RBFOX1: variants seen among roughly 807,000 people sequenced by gnomAD.
The protein encoded by RBFOX1 is RNA binding fox-1 homolog 1.
Under a neutral mutation model 57.7 loss-of-function variants are expected in RBFOX1, and 8 were observed. That is an observed-to-expected ratio of 0.14 (90% CI 0.08 to 0.25). RBFOX1 has a LOEUF of 0.25. Ranked by LOEUF, RBFOX1 falls within the 10% of genes least tolerant of loss-of-function variation. The pLI is 1.00. For synonymous variants in RBFOX1, 326 were observed against 222.4 expected (o/e 1.47, Z -4.15); for missense variants, 611 against 548.5 (o/e 1.11, Z -1.14).
At chr16:5,928,269 C>T (rs761553572) in intron 4 of RBFOX1, among the ~76,000 whole-genome samples, 6 of 151,592 alleles carry the variant, frequency 4.0e-5, no homozygotes, top group Non-Finnish European at 7.4e-5. Flanking sequence ...TTTGTAGAGA[C>T]GGGGGTCTCA....
Position 6,846,110 on chromosome 16 carries a change from CT to C in RBFOX1, c.-16+191463del, listed in dbSNP as rs549048853. ...TGTACCACTAAAATATAGGTATAGT[CT>C]TTGTTTTTCATTCGTATATCAGACT... On this transcript the variant is annotated intron_variant, in intron 3 of 15. Transcript: ENST00000550418. 4.0e-4 allele frequency among the ~76,000 whole-genome samples: 61 copies of C among 152,274 alleles called. 1 individual carries two copies. The South Asian group carries it at 0.011, about 27-fold the overall frequency.
At chr16:5,695,587 T>C (rs954965009) in intron 3 of RBFOX1, among the ~76,000 whole-genome samples, 1 of 152,112 alleles carries the variant, frequency 6.6e-6, no homozygotes, top group Non-Finnish European at 1.5e-5. Flanking sequence ...ACTTGGAAAA[T>C]CAGATGTTAT....
chr16:7,675,081 C>A (rs2072865261), intron 13 of RBFOX1, among the ~76,000 whole-genome samples: 1 of 152,210 alleles, frequency 6.6e-6, no homozygotes, highest in Admixed American at 6.5e-5. Context: ...TTCTGGAAAT[C>A]AGCTAGCCAG....
Position 5,637,000 on chromosome 16 carries a change from G to A in RBFOX1, c.318+38039G>A, listed in dbSNP as rs192965602. On this transcript the variant is annotated intron_variant, in intron 3 of 19. Transcript: ENST00000641259. ...GCATTTGTTCTTCTTGTGGGAGTTC[G>A]GGCCCCTCAGGCTTCAAGGGGTGAA... 4.9e-3 allele frequency among the ~76,000 whole-genome samples: 744 copies of A among 152,264 alleles called. 2 individuals carry two copies. Among genetic ancestry groups the A allele is most frequent in the African/African-American group, 0.012 (503 of 41,560 alleles).
At chr16:5,262,139 T>G (rs1392476594) in intron 1 of RBFOX1, among the ~76,000 whole-genome samples, 2 of 152,158 alleles carry the variant, frequency 1.3e-5, no homozygotes, top group African/African-American at 4.8e-5. Context: ...GAAGGCTTAG[T>G]TAAGAGGTAA....
At chr16:7,421,510 C>A (rs1416874776) in intron 4 of RBFOX1, among the ~76,000 whole-genome samples, 1 of 152,170 alleles carries the variant, frequency 6.6e-6, no homozygotes, top group East Asian at 1.9e-4. Flanking sequence ...CCAGGCACAG[C>A]CAGGTTTTCT....
intron 2 of RBFOX1, among the ~76,000 whole-genome samples, chr16:6,384,220 G>C (rs970022767): frequency 3.9e-5 from 6 of 152,102 alleles, no homozygotes; most frequent in Non-Finnish European, 7.4e-5. Context: ...CAGATTTCAA[G>C]GTTTTGCAAG....
chr16:5,571,467 G>A (rs1189088681), intron 2 of RBFOX1, among the ~76,000 whole-genome samples: 1 of 151,914 alleles, frequency 6.6e-6, no homozygotes, highest in Non-Finnish European at 1.5e-5. Flanking sequence ...TGCCCGCCTG[G>A]ACCTCCCAAA....
At position 5,672,854 on chromosome 16, in the gene RBFOX1, GGT is replaced by G. The variant is rs3035730; in HGVS notation, c.318+73928_318+73929del. ...GGATGATCAGAAATCCTTCACCGTA[GGT>G]GTGTGTGTGTGTGTGTGTGTGTGTG... On this transcript the variant is annotated intron_variant, in intron 3 of 19. Coordinates refer to the RBFOX1 transcript ENST00000641259. Among the ~76,000 whole-genome samples the G allele has an allele frequency of 3.9e-3, 589 of 149,718 alleles. 8 individuals are homozygous for G. The highest frequency in any genetic ancestry group is 0.022 in the South Asian group (101 of 4,694).
Position 7,587,440 on chromosome 16 carries a change from G to A in RBFOX1, c.468+140G>A, listed in dbSNP as rs192462702. Reference sequence around the variant, plus strand: ...GGAATTCCTTTAGAGACCACCTTCCGTTTTCAAAATGGTGGGAAAGACATC... The same window carrying A: ...GGAATTCCTTTAGAGACCACCTTCCATTTTCAAAATGGTGGGAAAGACATC... On this transcript the variant is annotated intron_variant, in intron 7 of 15. Transcript: ENST00000550418. 589 of 894,916 alleles carry A rather than the reference G, an allele frequency of 6.6e-4. 2 individuals carry two copies. The African/African-American group carries it at 7.6e-3, about 12-fold the overall frequency. The allele number at this position is 894,916 out of a possible 1,614,324, so 55.4% of individuals were successfully genotyped here.
chr16:7,436,488 C>A (rs1256510202), intron 4 of RBFOX1, among the ~76,000 whole-genome samples: 2 of 152,218 alleles, frequency 1.3e-5, no homozygotes, highest in Non-Finnish European at 2.9e-5. Context: ...TGTGTCTTCA[C>A]AACCCAGTGC....
chr16:5,346,316 C>G (rs1055867867), intron 1 of RBFOX1, among the ~76,000 whole-genome samples: 17 of 152,198 alleles, frequency 1.1e-4, no homozygotes, highest in Non-Finnish European at 1.9e-4. Context: ...CCTGGCACAT[C>G]TTCAGCACTC....
intron 2 of RBFOX1, among the ~76,000 whole-genome samples, chr16:6,428,878 A>G (rs1305307581): frequency 6.6e-6 from 1 of 152,194 alleles, no homozygotes; most frequent in Non-Finnish European, 1.5e-5. Flanking sequence ...GTTTTACTAG[A>G]GATTTATTAG....
At chr16:7,149,193 G>GT (rs967218651) in intron 4 of RBFOX1, among the ~76,000 whole-genome samples, 56 of 151,992 alleles carry the variant, frequency 3.7e-4, no homozygotes, top group Admixed American at 3.3e-4. Flanking sequence ...CCTCCTTCAT[G>GT]TTTTTTTATT....
chr16:7,016,297 C>G (rs1390994687), intron 3 of RBFOX1, among the ~76,000 whole-genome samples: 2 of 152,076 alleles, frequency 1.3e-5, no homozygotes, highest in East Asian at 1.9e-4. Flanking sequence ...GATCCTTCTG[C>G]CATACTATTC....
In RBFOX1 at chr16:6,019,218, G is replaced by A; in HGVS notation, c.-901G>A. On this transcript the variant is annotated 5_prime_UTR_variant, in exon 1 of 16. Coordinates refer to ENST00000550418, the MANE Select transcript of RBFOX1 (RefSeq NM_018723.4). The surrounding 1 kb of genome is among the most constrained non-coding windows in gnomAD (Gnocchi z 4.2). ...CTCCCGCCCTCCTACAAGCGCTCTT[G>A]CTGGCCGTCTGGGTGCACACACCGC... The A allele has an allele frequency of 3.0e-6, 3 of 985,116 alleles. No homozygotes were observed. The highest frequency in any genetic ancestry group is 3.6e-6 in the Non-Finnish European group (3 of 829,984). 61.0% of individuals were successfully genotyped at this position (985,116 alleles called of 1,614,324 possible).
intron 3 of RBFOX1, among the ~76,000 whole-genome samples, chr16:6,825,443 A>G (rs896108032): frequency 6.6e-6 from 1 of 152,150 alleles, no homozygotes; most frequent in Non-Finnish European, 1.5e-5. Flanking sequence ...TTGAAAAGGG[A>G]AAGGAAAAAT....
intron 2 of RBFOX1, among the ~76,000 whole-genome samples, chr16:6,362,442 C>G (rs1325972825): frequency 6.6e-6 from 1 of 152,152 alleles, no homozygotes; most frequent in Non-Finnish European, 1.5e-5. Flanking sequence ...GGTTCGGAGA[C>G]TTAGGCAAGG....
At chr16:6,105,191 C>G (rs78202724) in intron 1 of RBFOX1, among the ~76,000 whole-genome samples, 2,146 of 152,276 alleles carry the variant, frequency 0.014, 55 homozygotes, top group African/African-American at 0.049. Flanking sequence ...TGGGACCACC[C>G]TCCATTTTTA....
Sources: allele counts gnomAD v4.1 joint callset (sites outside exome capture counted in the v4.1 genomes callset), GRCh38; gene constraint gnomAD v4.1.1; non-coding constraint Gnocchi (gnomAD v3.1); transcripts MANE v1.5; gene names NCBI Gene and HGNC (gene_info 2026-07-23, HGNC 2026-07-21).